RAPGEF1: variants seen among roughly 807,000 people sequenced by gnomAD.
RAPGEF1 encodes CRK SH3-binding GNRP.
RAPGEF1 carries 33 observed loss-of-function variants against 143.3 expected under a neutral mutation model. The ratio of observed to expected loss-of-function variants is 0.23; its 90% confidence interval spans 0.17 to 0.31. The LOEUF (loss-of-function observed/expected upper bound fraction) is 0.31, where lower values mean the gene tolerates loss of function less well. Among genes scored for constraint, RAPGEF1 ranks in the 10% least tolerant of loss-of-function variants. The pLI is 1.00. For missense variants in RAPGEF1, 1,199 were observed against 1,645.4 expected (o/e 0.73, Z 4.69); for synonymous variants, 629 against 676.5 (o/e 0.93, Z 1.09).
At chr9:131,709,859 C>T in intron 1 of RAPGEF1, 1 of 1,424,278 alleles carries the variant, frequency 7.0e-7, no homozygotes, top group East Asian at 2.6e-5. Flanking sequence ...AAGTCTTTGC[C>T]TTCTGCCTTT....
intron 6 of RAPGEF1, among the ~76,000 whole-genome samples, chr9:131,629,620 G>C (rs970069886): frequency 2.0e-5 from 3 of 152,032 alleles, no homozygotes; most frequent in African/African-American, 7.2e-5. Context: ...GTGAAACCCT[G>C]TCTCTACTAA....
chr9:131,599,007 TAG>T (rs1160087877), intron 15 of RAPGEF1, among the ~76,000 whole-genome samples: 1 of 151,998 alleles, frequency 6.6e-6, no homozygotes, highest in Non-Finnish European at 1.5e-5. Context: ...GTATTTTTAG[TAG>T]AGACAGGGAT....
intron 5 of RAPGEF1, among the ~76,000 whole-genome samples, chr9:131,638,287 G>C (rs1966843001): frequency 6.6e-6 from 1 of 152,222 alleles, no homozygotes; most frequent in Non-Finnish European, 1.5e-5. Flanking sequence ...TGAAAAGGTA[G>C]TGCTGATATG....
At chr9:131,597,701 A>G (rs1955539260) in intron 16 of RAPGEF1, among the ~76,000 whole-genome samples, 1 of 151,946 alleles carries the variant, frequency 6.6e-6, no homozygotes, top group African/African-American at 2.4e-5. Flanking sequence ...GGGAATCCAC[A>G]GTGTCCAGGC....
intron 1 of RAPGEF1, among the ~76,000 whole-genome samples, chr9:131,668,767 G>A (rs1390914957): frequency 6.6e-6 from 1 of 152,028 alleles, no homozygotes. Context: ...ATTTTCAGAG[G>A]CAAAATGAAA....
intron 14 of RAPGEF1, among the ~76,000 whole-genome samples, chr9:131,603,182 G>C (rs1344982224): frequency 6.6e-6 from 1 of 152,092 alleles, no homozygotes; most frequent in Admixed American, 6.5e-5. Context: ...CCACCTGAAC[G>C]GGTGTGACCA....
chr9:131,583,623 T>C lies in RAPGEF1; in HGVS notation c.3414+688A>G, dbSNP rs1304347895. On this transcript the variant is annotated intron_variant, in intron 24 of 26. Transcript: ENST00000683357. This position sits in a 1 kb window ranked among gnomAD's most constrained non-coding sequence, Gnocchi z 4.7. ...CTGGCTGACACTCAAAAGCCATGGG[T>C]TTTGCCCCCATTTGCAATATTATTT... 6.6e-6 allele frequency among the ~76,000 whole-genome samples: 1 copy of C among 151,890 alleles called. No homozygotes were observed. The highest frequency in any genetic ancestry group is 1.5e-5 in the Non-Finnish European group (1 of 67,952).
At chr9:131,726,816 CAT>C (rs1362801971) in intron 1 of RAPGEF1, among the ~76,000 whole-genome samples, 5 of 152,040 alleles carry the variant, frequency 3.3e-5, no homozygotes, top group Non-Finnish European at 5.9e-5. Flanking sequence ...GCCTGGCAAA[CAT>C]AGGGAAACCT....
chr9:131,607,860 T>C (rs1957360845), intron 12 of RAPGEF1, among the ~76,000 whole-genome samples: 1 of 152,216 alleles, frequency 6.6e-6, no homozygotes, highest in African/African-American at 2.4e-5. Context: ...GAGCACCTGA[T>C]TTACACATAC....
intron 17 of RAPGEF1, among the ~76,000 whole-genome samples, chr9:131,594,232 T>C (rs1954855900): frequency 6.6e-6 from 1 of 152,204 alleles, no homozygotes; most frequent in African/African-American, 2.4e-5. Context: ...CTCGATGCGG[T>C]CCTGAGCACT....
intron 19 of RAPGEF1, among the ~76,000 whole-genome samples, chr9:131,589,475 G>A (rs995761534): frequency 9.2e-5 from 14 of 152,244 alleles, no homozygotes; most frequent in Non-Finnish European, 1.9e-4. Flanking sequence ...TTAGCGGAAC[G>A]GATATGGCCA....
intron 17 of RAPGEF1, among the ~76,000 whole-genome samples, chr9:131,593,896 C>T (rs759451828): frequency 3.3e-4 from 50 of 152,256 alleles, no homozygotes; most frequent in Admixed American, 7.2e-4. Context: ...CCCAAGTCAA[C>T]TGGCCTTTGC....
At chr9:131,685,424 C>T (rs774040372) in intron 1 of RAPGEF1, among the ~76,000 whole-genome samples, 2 of 152,196 alleles carry the variant, frequency 1.3e-5, no homozygotes, top group African/African-American at 2.4e-5. Flanking sequence ...GTTGTGGGTT[C>T]ACGGGAATGA....
intron 1 of RAPGEF1, among the ~76,000 whole-genome samples, chr9:131,656,193 T>C (rs1383366713): frequency 6.6e-6 from 1 of 152,164 alleles, no homozygotes; most frequent in East Asian, 1.9e-4. Flanking sequence ...CCAGTTATTC[T>C]GCAACACTGA....
At chr9:131,679,647 A>G (rs1208488145) in intron 1 of RAPGEF1, among the ~76,000 whole-genome samples, 1 of 152,182 alleles carries the variant, frequency 6.6e-6, no homozygotes. Flanking sequence ...GGGTCCACGC[A>G]CAGTTTAGCT....
intron 3 of RAPGEF1, among the ~76,000 whole-genome samples, chr9:131,643,878 G>A (rs1034331471): frequency 4.6e-5 from 7 of 152,142 alleles, no homozygotes; most frequent in African/African-American, 1.7e-4. Flanking sequence ...CTGGTCCAGG[G>A]CATGAGGGGC....
Position 131,650,309 on chromosome 9 carries a change from T to G in RAPGEF1, c.202-67A>C. The G allele has an allele frequency of 8.1e-7, 1 of 1,239,644 alleles. No individual in the cohort carries two copies. The highest frequency in any genetic ancestry group is 1.2e-6 in the Non-Finnish European group (1 of 865,804). The allele number at this position is 1,239,644 out of a possible 1,614,324, so 76.8% of individuals were successfully genotyped here. A position where few individuals can be genotyped will look rare whatever the true frequency, so the allele number is the denominator to read the frequency against. On this transcript the variant is annotated intron_variant, in intron 2 of 26. Transcript: ENST00000683357. The surrounding 1 kb of genome is among the most constrained non-coding windows in gnomAD (Gnocchi z 4.7). ...GCTGTTTGAGGCCGAAGGGAGGGGT[T>G]GATGAAAGTCAATAGCTGTTTCAAC...
At chr9:131,588,666 GC>G in intron 20 of RAPGEF1, 134 bp downstream of exon 20, 1 of 905,716 alleles carries the variant, frequency 1.1e-6, no homozygotes, top group Non-Finnish European at 1.6e-6. Flanking sequence ...GATCCACGGG[GC>G]TGTTCCTGAG....
intron 1 of RAPGEF1, among the ~76,000 whole-genome samples, chr9:131,710,135 A>C (rs897487654): frequency 2.5e-4 from 38 of 152,214 alleles, no homozygotes; most frequent in Admixed American, 6.5e-5. Context: ...TGCCAGGAGA[A>C]ACATTTTCAT....
Sources: gnomAD v4.1 joint callset for allele counts (sites outside exome capture counted in the v4.1 genomes callset) on GRCh38, gnomAD v4.1.1 for gene constraint, Gnocchi (gnomAD v3.1) non-coding constraint, MANE v1.5 for transcripts, NCBI Gene and HGNC (gene_info 2026-07-23, HGNC 2026-07-21) for gene names.